Variants in SERPINB8 observed in about 807,000 individuals in gnomAD.
SERPINB8 encodes serpin B8.
SERPINB8 carries 25 observed loss-of-function variants against 35.3 expected under a neutral mutation model. The observed-to-expected ratio is 0.71, with a 90% CI of 0.52 to 0.99. The LOEUF is 0.99. Among genes scored for constraint, SERPINB8 ranks in the 50% least tolerant of loss-of-function variants. The pLI is 0.00. For synonymous variants in SERPINB8, 186 were observed against 160.8 expected, an observed-to-expected ratio of 1.16 and a Z score of -1.19; for missense variants, 484 against 446.5, an observed-to-expected ratio of 1.08 and a Z score of -0.76.
downstream of SERPINB8, among the ~76,000 whole-genome samples, chr18:63,991,525 T>C (rs1415139708): frequency 6.6e-6 from 1 of 152,046 alleles, no homozygotes; most frequent in Non-Finnish European, 1.5e-5. Flanking sequence ...GTTGCTAGTA[T>C]ATGGAAATAT....
downstream of SERPINB8, among the ~76,000 whole-genome samples, chr18:63,990,899 A>G (rs769806081): frequency 6.6e-6 from 1 of 152,242 alleles, no homozygotes; most frequent in Non-Finnish European, 1.5e-5. Flanking sequence ...TGTTTCTTCC[A>G]GAAGTGTTAC....
chr18:64,002,964 C>T (rs898478094), intron 1 of SERPINB8, among the ~76,000 whole-genome samples: 4 of 152,184 alleles, frequency 2.6e-5, no homozygotes, highest in Admixed American at 2.0e-4. Context: ...CGAATGGAAG[C>T]CCCCGGCACG....
chr18:64,013,810 G>T (rs531392399), intron 7 of SERPINB8, among the ~76,000 whole-genome samples: 122 of 152,332 alleles, frequency 8.0e-4, no homozygotes, highest in African/African-American at 2.8e-3. Context: ...GCAAAATCCT[G>T]ATGGTGAAAG....
At position 63,981,814 on chromosome 18, in the gene SERPINB8, G is replaced by T; in HGVS notation, c.400G>T (p.Asp134Tyr). Residue 134 changes from aspartate to tyrosine, a missense_variant, in exon 4 of 7, where the codon GAC becomes TAC. Physicochemically the swap from Asp to Tyr is radical, Grantham distance 160 (BLOSUM62 -3). Coordinates refer to ENST00000397985, the MANE Select transcript of SERPINB8 (RefSeq NM_002640.4). ...DTEECRKHIN[D>Y]WVAEKTEGKI... Reference sequence around the variant, plus strand: ...TGAAGAGTGCAGGAAGCATATAAATGACTGGGTGGCAGAGAAGACTGAAGG... The same window carrying T: ...TGAAGAGTGCAGGAAGCATATAAATTACTGGGTGGCAGAGAAGACTGAAGG... 3 of 1,612,560 alleles carry T rather than the reference G, an allele frequency of 1.9e-6. No individual in the cohort carries two copies. The South Asian group carries it at 3.3e-5, about 18-fold the overall frequency.
At chr18:63,993,259 A>G (rs576858721), downstream of SERPINB8, among the ~76,000 whole-genome samples, 4 of 152,156 alleles carry the variant, frequency 2.6e-5, no homozygotes, top group East Asian at 7.7e-4. Flanking sequence ...TATCCTTTGC[A>G]TTTTTATTCA....
At chr18:63,979,048 T>C (rs1047506590) in intron 2 of SERPINB8, among the ~76,000 whole-genome samples, 1 of 152,184 alleles carries the variant, frequency 6.6e-6, no homozygotes, top group Admixed American at 6.5e-5. Context: ...TCTCTGACTA[T>C]TGGTGAAGAT....
intron 7 of SERPINB8, among the ~76,000 whole-genome samples, chr18:64,015,872 T>A (rs969940213): frequency 8.5e-5 from 13 of 152,200 alleles, no homozygotes; most frequent in Admixed American, 2.6e-4. Context: ...TAGGCGAGCC[T>A]ACTTAAGTGT....
intron 1 of SERPINB8, among the ~76,000 whole-genome samples, chr18:64,002,649 C>A (rs977285035): frequency 3.3e-5 from 5 of 152,160 alleles, no homozygotes; most frequent in African/African-American, 1.2e-4. Context: ...GGGGCCCTCG[C>A]GTGCGGTCAC....
intron 1 of SERPINB8, among the ~76,000 whole-genome samples, chr18:64,003,299 T>A (rs2050884707): frequency 6.6e-6 from 1 of 151,738 alleles, no homozygotes; most frequent in South Asian, 2.1e-4. Context: ...GACAATGCAG[T>A]GATTGATGGG....
chr18:63,981,181 C>T (rs760878497), intron 3 of SERPINB8, among the ~76,000 whole-genome samples: 11 of 152,336 alleles, frequency 7.2e-5, no homozygotes, highest in South Asian at 2.1e-4. Flanking sequence ...AGGCCTATCA[C>T]GCTCCATTCC....
chr18:63,978,039 GA>G (rs1488109195), intron 1 of SERPINB8, among the ~76,000 whole-genome samples: 1 of 152,088 alleles, frequency 6.6e-6, no homozygotes, highest in Non-Finnish European at 1.5e-5. Flanking sequence ...CTCTTTTAAG[GA>G]CGCTCGTGAT....
intron 1 of SERPINB8, among the ~76,000 whole-genome samples, chr18:64,000,259 A>G (rs934996967): frequency 6.6e-6 from 1 of 152,316 alleles, no homozygotes; most frequent in Admixed American, 6.5e-5. Context: ...CTATTTGGAA[A>G]CATTTCAATG....
chr18:63,991,824 T>C (rs749172348), downstream of SERPINB8, among the ~76,000 whole-genome samples: 3 of 152,194 alleles, frequency 2.0e-5, no homozygotes, highest in Non-Finnish European at 4.4e-5. Flanking sequence ...CTTTAACAGG[T>C]GAAGAAGGTC....
At chr18:63,986,393 A>G in intron 6 of SERPINB8, 2 of 1,544,130 alleles carry the variant, frequency 1.3e-6, no homozygotes, top group South Asian at 1.3e-5. Flanking sequence ...TCATCTTCAG[A>G]TGAAACACAA....
chr18:64,018,019 A>G (rs2144855005), intron 7 of SERPINB8, among the ~76,000 whole-genome samples: 1 of 152,346 alleles, frequency 6.6e-6, no homozygotes, highest in African/African-American at 2.4e-5. Flanking sequence ...CAGAAGTTCA[A>G]AAACAGACTA....
At chr18:63,986,760 T>G (rs2050761150) in intron 6 of SERPINB8, 114 bp from the exon 7 acceptor site, 14 of 1,392,532 alleles carry the variant, frequency 1.0e-5, no homozygotes, top group Non-Finnish European at 1.3e-5. Context: ...TAGATTTTCT[T>G]GGACCAGAAC....
At chr18:63,996,788 G>T (rs145583209) in intron 1 of SERPINB8, among the ~76,000 whole-genome samples, 1 of 152,214 alleles carries the variant, frequency 6.6e-6, no homozygotes, top group South Asian at 2.1e-4. Flanking sequence ...ACAACATCTC[G>T]TTTAGAGGAG....
At chr18:64,007,593 G>A (rs76043067), downstream of SERPINB8, among the ~76,000 whole-genome samples, 1,801 of 152,322 alleles carry the variant, frequency 0.012, 18 homozygotes, top group South Asian at 0.024. Context: ...GGTTCTACAG[G>A]TTGTACAGGA....
chr18:63,994,706 A>T (rs1208855035), intron 1 of SERPINB8, among the ~76,000 whole-genome samples: 1 of 152,164 alleles, frequency 6.6e-6, no homozygotes, highest in Non-Finnish European at 1.5e-5. Context: ...CCCTTCGCAG[A>T]GGCTATAGTA....
Sources: allele counts gnomAD v4.1 joint callset (sites outside exome capture counted in the v4.1 genomes callset), GRCh38; gene constraint gnomAD v4.1.1; transcripts MANE v1.5; gene names NCBI Gene and HGNC (gene_info 2026-07-23, HGNC 2026-07-21).